SORCS1: variants seen among roughly 807,000 people sequenced by gnomAD.
The protein encoded by SORCS1 is sortilin related VPS10 domain containing receptor 1, also known as VPS10 domain-containing receptor SorCS1.
In SORCS1, 60 loss-of-function variants were observed where a neutral mutation model predicts 146.1. The ratio of observed to expected loss-of-function variants is 0.41; its 90% CI spans 0.33 to 0.51. The LOEUF (loss-of-function observed/expected upper bound fraction) is 0.51. Among genes scored for constraint, SORCS1 ranks in the 20% least tolerant of loss-of-function variants. The probability of loss-of-function intolerance (pLI) is 0.21; values close to 1 mark genes in which losing one functional copy is unlikely to be tolerated. For missense variants in SORCS1, 1,352 were observed against 1,487.6 expected (o/e 0.91, Z 1.50); for synonymous variants, 637 against 584.0 (o/e 1.09, Z -1.31).
Position 106,706,483 on chromosome 10 carries a change from T to C in SORCS1, c.1233+62A>G, listed in dbSNP as rs934603171. The C allele has an allele frequency of 3.3e-6, 5 of 1,497,014 alleles. No individual in the cohort carries two copies. The African/African-American group carries it at 6.9e-5, about 21-fold the overall frequency. The allele number at this position is 1,497,014 out of a possible 1,614,324, so 92.7% of individuals were successfully genotyped here. On this transcript the variant is annotated intron_variant, in intron 8 of 25. Transcript: ENST00000263054. ...GCTGAAAGAGTCCTTGGGAAAGGGA[T>C]GGAGGCTGGCTTCTGTGAATGAGAG...
chr10:106,873,872 G>A (rs4917490), intron 2 of SORCS1, among the ~76,000 whole-genome samples: 17 of 151,946 alleles, frequency 1.1e-4, no homozygotes, highest in African/African-American at 3.4e-4. Flanking sequence ...CTTCCAAAAA[G>A]AGTCAGTGCC....
intron 2 of SORCS1, among the ~76,000 whole-genome samples, chr10:106,894,023 T>G (rs1564783512): frequency 1.3e-5 from 2 of 152,110 alleles, no homozygotes; most frequent in African/African-American, 4.8e-5. Context: ...TGGAGCTTCT[T>G]AAAAGAAAAA....
At chr10:106,954,051 G>A (rs1409345391) in intron 2 of SORCS1, among the ~76,000 whole-genome samples, 2 of 152,150 alleles carry the variant, frequency 1.3e-5, no homozygotes, top group Admixed American at 1.3e-4. Flanking sequence ...ATTCTTCTTA[G>A]ACTGGGCCAT....
At chr10:106,729,331 T>A (rs1204548656) in intron 6 of SORCS1, among the ~76,000 whole-genome samples, 1 of 152,210 alleles carries the variant, frequency 6.6e-6, no homozygotes, top group African/African-American at 2.4e-5. Flanking sequence ...TGTCCTTCAC[T>A]GCAGCATAAC....
At chr10:106,597,265 T>C (rs1332879684) in intron 24 of SORCS1, 86 bp downstream of exon 24, 9 of 1,048,218 alleles carry the variant, frequency 8.6e-6, no homozygotes, top group African/African-American at 4.7e-5. Flanking sequence ...ATTGTTACCA[T>C]CTAGCCTTTT....
At chr10:106,951,427 G>A (rs1294969864) in intron 2 of SORCS1, among the ~76,000 whole-genome samples, 2 of 151,682 alleles carry the variant, frequency 1.3e-5, no homozygotes, top group African/African-American at 2.4e-5. Context: ...AGAGAATGGC[G>A]GGTGAACCCA....
chr10:106,705,785 A>G (rs1322738298), intron 8 of SORCS1, among the ~76,000 whole-genome samples: 2 of 152,170 alleles, frequency 1.3e-5, no homozygotes, highest in African/African-American at 4.8e-5. Context: ...ATATTAACGC[A>G]GTTCTTCAGC....
At chr10:107,020,045 T>A (rs1302008288) in intron 1 of SORCS1, among the ~76,000 whole-genome samples, 1 of 152,228 alleles carries the variant, frequency 6.6e-6, no homozygotes, top group Non-Finnish European at 1.5e-5. Flanking sequence ...CCACTCCTTC[T>A]TCCTAGGCAG....
the SORCS1 span, among the ~76,000 whole-genome samples, chr10:107,176,764 T>A: frequency 3.9e-5 from 6 of 152,366 alleles, no homozygotes; most frequent in East Asian, 1.2e-3. Context: ...CTATGATCAA[T>A]AATGGTAAAT....
At chr10:106,734,050 C>A (rs1856787893) in intron 5 of SORCS1, among the ~76,000 whole-genome samples, 1 of 151,980 alleles carries the variant, frequency 6.6e-6, no homozygotes. Context: ...TACTAACATC[C>A]AATACAGCAT....
chr10:106,721,474 G>A (rs186251844), intron 6 of SORCS1, among the ~76,000 whole-genome samples: 115 of 152,030 alleles, frequency 7.6e-4, no homozygotes, highest in African/African-American at 2.6e-3. Flanking sequence ...AGGTAGTGAC[G>A]AAAAACAAAT....
chr10:106,956,346 C>CT (rs1328995781), intron 2 of SORCS1, among the ~76,000 whole-genome samples, 167 bp downstream of exon 2: 14 of 152,198 alleles, frequency 9.2e-5, no homozygotes, highest in African/African-American at 3.4e-4. Context: ...TCTGGCCTGC[C>CT]TGGAGATAAA....
rs1183049503 is a variant in SORCS1 at position 106,673,345 on chromosome 10, A to C, written c.1941-360T>G. Among the ~76,000 whole-genome samples, 16 of 152,110 alleles carry C rather than the reference A, an allele frequency of 1.1e-4. No individual in the cohort carries two copies. In the East Asian group the frequency reaches 2.7e-3, roughly 26 times the overall value. On this transcript the variant is annotated intron_variant, in intron 14 of 25. Coordinates refer to ENST00000263054, the MANE Select transcript of SORCS1 (RefSeq NM_052918.5). The stretch of plus-strand genomic sequence containing the variant: ...ATGGGGTTCCACCATGTTGGCCAGG[A>C]TGGTCTTGATCTCCTGACCTCATGA...
At chr10:106,917,934 C>T (rs1952523196) in intron 2 of SORCS1, among the ~76,000 whole-genome samples, 1 of 152,180 alleles carries the variant, frequency 6.6e-6, no homozygotes, top group Non-Finnish European at 1.5e-5. Context: ...CTAACTTCTT[C>T]CTTAGTAATT....
intron 2 of SORCS1, among the ~76,000 whole-genome samples, chr10:106,889,273 C>A (rs1951125047): frequency 1.3e-5 from 2 of 152,174 alleles, no homozygotes; most frequent in Non-Finnish European, 2.9e-5. Flanking sequence ...ATGCCCCTGC[C>A]AACTCTCTTT....
At chr10:106,912,342 C>CT (rs5787695) in intron 2 of SORCS1, among the ~76,000 whole-genome samples, 151,254 of 152,266 alleles carry the variant, frequency 0.99, 75,130 homozygotes, top group Middle Eastern at 1. Context: ...GTGCCCACCC[C>CT]GACAGTCCAC....
chr10:107,040,749 T>G (rs771936448), intron 1 of SORCS1, among the ~76,000 whole-genome samples: 2 of 152,152 alleles, frequency 1.3e-5, no homozygotes, highest in Non-Finnish European at 2.9e-5. Flanking sequence ...CCTGGCAGAG[T>G]AGCCAAAAGG....
chr10:106,625,430 G>A (rs1236039589), intron 19 of SORCS1, among the ~76,000 whole-genome samples: 1 of 152,100 alleles, frequency 6.6e-6, no homozygotes, highest in African/African-American at 2.4e-5. Flanking sequence ...TTCACTGTAC[G>A]TTAAAATCAT....
intron 24 of SORCS1, among the ~76,000 whole-genome samples, chr10:106,591,018 A>G (rs1845571556): frequency 6.6e-6 from 1 of 152,142 alleles, no homozygotes; most frequent in Non-Finnish European, 1.5e-5. Flanking sequence ...AGAGATGGGG[A>G]GGACAAGGGA....
Sources: allele counts gnomAD v4.1 joint callset (sites outside exome capture counted in the v4.1 genomes callset), GRCh38; gene constraint gnomAD v4.1.1; transcripts MANE v1.5; gene names NCBI Gene and HGNC (gene_info 2026-07-23, HGNC 2026-07-21).